Variants in ABCG2 observed in about 807,000 individuals in gnomAD.
ABCG2 encodes ATP binding cassette subfamily G member 2 (JR blood group).
ABCG2 carries 80 observed loss-of-function variants against 73.5 expected under a neutral mutation model. That is an observed-to-expected ratio of 1.09 (90% confidence interval 0.91 to 1.31). ABCG2 has a LOEUF of 1.31. Among genes scored for constraint, ABCG2 ranks in the 50% most tolerant of loss-of-function variants. The pLI is 0.00. For synonymous variants in ABCG2, 269 were observed against 282.4 expected, an observed-to-expected ratio of 0.95 and a Z score of 0.48; for missense variants, 796 against 786.2, an observed-to-expected ratio of 1.01 and a Z score of -0.15.
intron 6 of ABCG2, among the ~76,000 whole-genome samples, chr4:88,120,327 T>C (rs1177600437): frequency 6.6e-6 from 1 of 152,100 alleles, no homozygotes; most frequent in African/African-American, 2.4e-5. Flanking sequence ...AGGCACTGCT[T>C]AGTGCAGTAG....
chr4:88,147,003 A>G (rs1463456610), intron 1 of ABCG2, among the ~76,000 whole-genome samples: 18 of 98,038 alleles, frequency 1.8e-4, no homozygotes, highest in African/African-American at 9.7e-4. Context: ...AGAAAGAAGA[A>G]AGAGAAAGAA....
At chr4:88,131,730 T>C (rs889382191) in intron 4 of ABCG2, 73 bp downstream of exon 4, 16 of 1,075,890 alleles carry the variant, frequency 1.5e-5, no homozygotes, top group South Asian at 2.8e-5. Context: ...TGGAAGCACA[T>C]TGAACTATCA....
At chr4:88,116,125 G>T (rs2110013037) in intron 7 of ABCG2, among the ~76,000 whole-genome samples, 1 of 152,290 alleles carries the variant, frequency 6.6e-6, no homozygotes, top group South Asian at 2.1e-4. Flanking sequence ...AACCTGGGAG[G>T]TGGAGGTTGC....
In ABCG2 at chr4:88,092,315, A is replaced by T. The variant is rs1219489852; in HGVS notation, c.1887T>A (p.Asn629Lys). ...CAATCATACAAGCCAAGGCCACGTG[A>T]TTCTTCCACAAGCCCCAGGGTGAGA... ...IDLSPWGLWK[N>K]HVALACMIVI... Residue 629 changes from asparagine (N) to lysine (K), a missense_variant, in exon 16 of 16, where the codon AAT becomes AAA. Coordinates refer to ENST00000237612, the MANE Select transcript of ABCG2 (RefSeq NM_004827.3). 6.2e-6 allele frequency: 10 copies of T among 1,613,874 alleles called. No homozygotes were observed. Among genetic ancestry groups the T allele is most frequent in the African/African-American group, 1.3e-5 (1 of 74,942 alleles).
intron 1 of ABCG2, among the ~76,000 whole-genome samples, chr4:88,152,003 T>C (rs1465408940): frequency 1.3e-5 from 2 of 152,200 alleles, no homozygotes; most frequent in Admixed American, 6.5e-5. Flanking sequence ...ATTGCTAGTA[T>C]GACTAACATA....
intron 1 of ABCG2, among the ~76,000 whole-genome samples, chr4:88,147,904 T>C (rs1466258824): frequency 6.6e-6 from 1 of 152,190 alleles, no homozygotes. Context: ...ACAGCTGTAG[T>C]TCACAAAAAC....
intron 1 of ABCG2, among the ~76,000 whole-genome samples, chr4:88,198,597 C>T (rs1729031836): frequency 1.3e-5 from 2 of 152,126 alleles, no homozygotes; most frequent in African/African-American, 2.4e-5. Flanking sequence ...CATGTCACTG[C>T]ATTCCAGCCT....
intron 1 of ABCG2, among the ~76,000 whole-genome samples, chr4:88,200,667 C>T (rs1729122112): frequency 1.3e-5 from 2 of 152,188 alleles, no homozygotes; most frequent in South Asian, 4.2e-4. Flanking sequence ...TGCCTGTCAC[C>T]ACGCCTGGCT....
At chr4:88,101,856 GT>G (rs1722446290) in intron 10 of ABCG2, among the ~76,000 whole-genome samples, 1 of 152,238 alleles carries the variant, frequency 6.6e-6, no homozygotes, top group African/African-American at 2.4e-5. Flanking sequence ...CATTTCTGTT[GT>G]TTAAGCCACT....
chr4:88,140,218 C>A (rs2110056416), intron 1 of ABCG2, among the ~76,000 whole-genome samples: 1 of 152,222 alleles, frequency 6.6e-6, no homozygotes, highest in African/African-American at 2.4e-5. Context: ...GCATAAACTC[C>A]AATTAGATGT....
intron 6 of ABCG2, among the ~76,000 whole-genome samples, chr4:88,119,265 G>A (rs1723799861): frequency 6.6e-6 from 1 of 152,196 alleles, no homozygotes; most frequent in African/African-American, 2.4e-5. Flanking sequence ...GCAACTGTAA[G>A]TCCATGAAAC....
chr4:88,110,633 G>A (rs2110001569), intron 9 of ABCG2, among the ~76,000 whole-genome samples: 1 of 152,232 alleles, frequency 6.6e-6, no homozygotes, highest in South Asian at 2.1e-4. Flanking sequence ...CCAAAGTGCT[G>A]GGGTTATAGG....
intron 1 of ABCG2, among the ~76,000 whole-genome samples, chr4:88,194,782 G>C (rs1417331015): frequency 6.6e-6 from 1 of 152,120 alleles, no homozygotes; most frequent in Non-Finnish European, 1.5e-5. Flanking sequence ...ATCTTGAAAA[G>C]ATAGCAAGGT....
At chr4:88,110,073 T>C (rs1205989138) in intron 9 of ABCG2, among the ~76,000 whole-genome samples, 2 of 152,108 alleles carry the variant, frequency 1.3e-5, no homozygotes, top group African/African-American at 2.4e-5. Flanking sequence ...CCTCAGCCTT[T>C]TGAGTAGTTA....
intron 1 of ABCG2, among the ~76,000 whole-genome samples, chr4:88,142,175 G>A (rs1020068890): frequency 1.3e-5 from 2 of 152,058 alleles, no homozygotes; most frequent in Non-Finnish European, 2.9e-5. Context: ...TCTGTCATAC[G>A]CATAACAGGC....
At chr4:88,109,525 G>A (rs1324359549) in intron 9 of ABCG2, among the ~76,000 whole-genome samples, 5 of 152,148 alleles carry the variant, frequency 3.3e-5, no homozygotes, top group Admixed American at 6.6e-5. Context: ...TTAAAGAAAG[G>A]AAAACAAACA....
chr4:88,134,372 T>C (rs932382835), intron 2 of ABCG2, among the ~76,000 whole-genome samples: 2 of 152,184 alleles, frequency 1.3e-5, no homozygotes, highest in African/African-American at 4.8e-5. Flanking sequence ...AACTGGGGTA[T>C]CTCTCAGTGA....
chr4:88,194,506 G>GT, intron 1 of ABCG2, among the ~76,000 whole-genome samples: 1 of 134,962 alleles, frequency 7.4e-6, no homozygotes, highest in Non-Finnish European at 1.5e-5. Flanking sequence ...GCCGAGATCT[G>GT]GCCACTGCAC....
chr4:88,115,125 A>T, intron 7 of ABCG2, 67 bp from the exon 8 acceptor site: 1 of 1,118,292 alleles, frequency 8.9e-7, no homozygotes. Flanking sequence ...ACTCACTTTC[A>T]GAGGGTGAGG....
Sources: allele counts gnomAD v4.1 joint callset (sites outside exome capture counted in the v4.1 genomes callset), GRCh38; gene constraint gnomAD v4.1.1; transcripts MANE v1.5; gene names NCBI Gene and HGNC (gene_info 2026-07-23, HGNC 2026-07-21).